EYS: variants seen among roughly 807,000 people sequenced by gnomAD.
EYS encodes EGF-like photoreceptor maintenance factor.
Under a neutral mutation model 282.1 loss-of-function variants are expected in EYS, and 250 were observed. That is an observed-to-expected ratio of 0.89 (90% confidence interval 0.80 to 0.98). The LOEUF is 0.98. Among genes scored for constraint, EYS ranks in the 50% least tolerant of loss-of-function variants. The pLI is 0.00. For synonymous variants in EYS, 1,355 were observed against 1,282.9 expected, an observed-to-expected ratio of 1.06 and a Z score of -1.20; for missense variants, 4,016 against 3,709.0, an observed-to-expected ratio of 1.08 and a Z score of -2.15.
intron 26 of EYS, among the ~76,000 whole-genome samples, chr6:64,551,352 G>A (rs977038129): frequency 2.0e-5 from 3 of 151,974 alleles, no homozygotes; most frequent in African/African-American, 4.8e-5. Flanking sequence ...GTGAGGGGCA[G>A]AAGGAGTCTT....
chr6:65,556,956 C>T (rs1047243566), intron 2 of EYS, among the ~76,000 whole-genome samples: 6 of 152,012 alleles, frequency 3.9e-5, no homozygotes, highest in African/African-American at 1.5e-4. Flanking sequence ...TGTATCATAA[C>T]AGTATATGGT....
intron 5 of EYS, among the ~76,000 whole-genome samples, chr6:65,415,285 T>C (rs1007830367): frequency 2.6e-5 from 4 of 152,026 alleles, no homozygotes; most frequent in African/African-American, 9.7e-5. Flanking sequence ...TTTCACCTGG[T>C]ATCTCATTAG....
intron 35 of EYS, among the ~76,000 whole-genome samples, chr6:63,926,755 T>A (rs1764727862): frequency 1.3e-5 from 2 of 152,198 alleles, no homozygotes; most frequent in South Asian, 4.1e-4. Flanking sequence ...CTTATAATGC[T>A]TCCAGAAGTT....
chr6:63,724,844 CTT>C (rs1358422663), intron 42 of EYS, among the ~76,000 whole-genome samples: 1 of 151,918 alleles, frequency 6.6e-6, no homozygotes, highest in African/African-American at 2.4e-5. Context: ...TGGATTTTAA[CTT>C]TGTGTATTGT....
intron 12 of EYS, among the ~76,000 whole-genome samples, chr6:65,090,032 C>A (rs1774510814): frequency 6.7e-6 from 1 of 149,758 alleles, no homozygotes; most frequent in Admixed American, 6.7e-5. Flanking sequence ...CTTTGGGGGA[C>A]AGTTGGAAGG....
intron 40 of EYS, among the ~76,000 whole-genome samples, chr6:63,763,777 C>G (rs1769709409): frequency 6.6e-6 from 1 of 150,954 alleles, no homozygotes; most frequent in Non-Finnish European, 1.5e-5. Flanking sequence ...TCAAGTATGT[C>G]TTTATTAGCA....
intron 22 of EYS, among the ~76,000 whole-genome samples, chr6:64,745,855 C>T (rs11751482): frequency 0.047 from 7,213 of 151,916 alleles, 230 homozygotes; most frequent in East Asian, 0.18. Context: ...AATCTGATTC[C>T]CTTGAATAAA....
At chr6:64,625,577 C>G (rs1411701180) in intron 23 of EYS, among the ~76,000 whole-genome samples, 1 of 152,210 alleles carries the variant, frequency 6.6e-6, no homozygotes, top group African/African-American at 2.4e-5. Context: ...AAGGGCTTTA[C>G]TCTCATGACC....
chr6:64,364,787 T>G (rs1772133450), intron 29 of EYS, among the ~76,000 whole-genome samples: 1 of 151,900 alleles, frequency 6.6e-6, no homozygotes, highest in Non-Finnish European at 1.5e-5. Context: ...GATGAAATAC[T>G]TCCTATTGTG....
chr6:64,385,020 T>A (rs1319160157), intron 29 of EYS, among the ~76,000 whole-genome samples: 2 of 152,182 alleles, frequency 1.3e-5, no homozygotes, highest in African/African-American at 2.4e-5. Context: ...ATAGTTCTTT[T>A]CCTTAGTGTT....
intron 35 of EYS, among the ~76,000 whole-genome samples, chr6:63,950,340 T>G (rs1201010217): frequency 6.6e-6 from 1 of 152,128 alleles, no homozygotes; most frequent in Non-Finnish European, 1.5e-5. Flanking sequence ...TGACATTACC[T>G]TGTGAAATTC....
rs897188278 is a variant in EYS at position 63,984,371 on chromosome 6, A to T, written c.7055+12T>A. 1 of 1,528,646 alleles carries T rather than the reference A, an allele frequency of 6.5e-7. No individual in the cohort carries two copies. Among genetic ancestry groups the T allele is most frequent in the African/African-American group, 1.4e-5 (1 of 72,302 alleles). The allele number at this position is 1,528,646 out of a possible 1,614,324, so 94.7% of individuals were successfully genotyped here. ...TGTAACGTAGGTTGGGAATCAGGAG[A>T]CTAATACTGACCTGATGCAGGTGCC... is the stretch of plus-strand genomic sequence containing the variant. On this transcript the variant is annotated intron_variant, in intron 35 of 42. Coordinates refer to ENST00000503581, the MANE Select transcript of EYS (RefSeq NM_001142800.2).
At chr6:64,851,963 G>A (rs562984945) in intron 19 of EYS, among the ~76,000 whole-genome samples, 18 of 152,082 alleles carry the variant, frequency 1.2e-4, no homozygotes, top group East Asian at 1.2e-3. Flanking sequence ...ATTTACCCCC[G>A]AACATAAATT....
chr6:65,341,886 T>C (rs1248868972), intron 10 of EYS, among the ~76,000 whole-genome samples: 1 of 151,270 alleles, frequency 6.6e-6, no homozygotes, highest in Non-Finnish European at 1.5e-5. Flanking sequence ...AATATTTTTA[T>C]AACATTCTAT....
chr6:64,033,505 T>C (rs1010098533), intron 33 of EYS, among the ~76,000 whole-genome samples: 1 of 152,146 alleles, frequency 6.6e-6, no homozygotes, highest in Non-Finnish European at 1.5e-5. Flanking sequence ...AAGCACGCAA[T>C]AGTAACTATA....
chr6:64,810,061 T>C (rs1473598635), intron 22 of EYS, among the ~76,000 whole-genome samples: 1 of 151,940 alleles, frequency 6.6e-6, no homozygotes, highest in Non-Finnish European at 1.5e-5. Context: ...ATGTAAGCAA[T>C]ATTGCTACCC....
chr6:64,714,516 C>CTTTTT (rs55730437), intron 22 of EYS, among the ~76,000 whole-genome samples: 34 of 127,902 alleles, frequency 2.7e-4, no homozygotes, highest in African/African-American at 8.0e-4. Flanking sequence ...TTCTTTCTTT[C>CTTTTT]TTTTTTTTTT....
At chr6:65,681,981 C>T (rs890153351) in intron 1 of EYS, among the ~76,000 whole-genome samples, 2 of 151,966 alleles carry the variant, frequency 1.3e-5, no homozygotes, top group African/African-American at 2.4e-5. Flanking sequence ...TCACGTTGAC[C>T]CCTACCTAAC....
At chr6:65,279,292 T>G (rs1253460582) in intron 12 of EYS, among the ~76,000 whole-genome samples, 1 of 152,184 alleles carries the variant, frequency 6.6e-6, no homozygotes. Flanking sequence ...TCTCCCTGAC[T>G]TTCTCATAGT....
Sources: allele counts gnomAD v4.1 joint callset (sites outside exome capture counted in the v4.1 genomes callset), GRCh38; gene constraint gnomAD v4.1.1; transcripts MANE v1.5; gene names NCBI Gene and HGNC (gene_info 2026-07-23, HGNC 2026-07-21).